FAM111B: variants seen among roughly 807,000 people sequenced by gnomAD.
The protein encoded by FAM111B is serine protease FAM111B.
In FAM111B, 1 loss-of-function variant was observed where a neutral mutation model predicts 2.8. The observed-to-expected ratio is 0.36, with a 90% confidence interval of 0.13 to 1.70. The LOEUF is 1.70. Among genes scored for constraint, FAM111B ranks in the 40% most tolerant of loss-of-function variants. The pLI, the probability that FAM111B is intolerant of heterozygous loss-of-function variation, is 0.35. For missense variants in FAM111B, 882 were observed against 878.9 expected, an observed-to-expected ratio of 1.00 and a Z score of -0.04; for synonymous variants, 297 against 295.6, an observed-to-expected ratio of 1.00 and a Z score of -0.05.
In FAM111B at chr11:59,126,447, C is replaced by A; in HGVS notation, c.*145C>A. On this transcript the variant is annotated 3_prime_UTR_variant, in exon 4 of 4. Coordinates refer to ENST00000343597, the MANE Select transcript of FAM111B (RefSeq NM_198947.4). ...TCTGCACAGCAAAAGAAACTATCAACAGGGTAAACACACAACCTACGGAAT... is the reference window on the plus strand; with the variant it reads ...TCTGCACAGCAAAAGAAACTATCAAAAGGGTAAACACACAACCTACGGAAT... 2 of 599,366 alleles carry A rather than the reference C, an allele frequency of 3.3e-6. No homozygotes were observed. Among genetic ancestry groups the A allele is most frequent in the Non-Finnish European group, 5.5e-6 (2 of 365,694 alleles). 37.1% of individuals were successfully genotyped at this position (599,366 alleles called of 1,614,324 possible). A position where few individuals can be genotyped will look rare whatever the true frequency, so the allele number is the denominator to read the frequency against.
intron 3 of FAM111B, among the ~76,000 whole-genome samples, chr11:59,117,119 G>A (rs1260697569): frequency 6.6e-6 from 1 of 152,204 alleles, no homozygotes; most frequent in Non-Finnish European, 1.5e-5. Flanking sequence ...CAGGGGAGCT[G>A]CCTGCCCTCT....
chr11:59,114,689 G>T (rs989244200), intron 3 of FAM111B, among the ~76,000 whole-genome samples: 1 of 152,218 alleles, frequency 6.6e-6, no homozygotes. Context: ...AACATTTCTT[G>T]CAAACCTACG....
chr11:59,110,445 A>C (rs1859740877), intron 3 of FAM111B, among the ~76,000 whole-genome samples: 1 of 152,188 alleles, frequency 6.6e-6, no homozygotes, highest in Non-Finnish European at 1.5e-5. Flanking sequence ...TCCTTATACA[A>C]GGTGAATAAG....
rs566994908 is a variant in FAM111B, at chr11:59,110,754, G to A, written c.81+1048G>A. On this transcript the variant is annotated intron_variant, in intron 3 of 3. Transcript: ENST00000343597. ...ATTTCACTAGTGTATCAAGGATGAA[G>A]GAATGGCCTAAGTAAAGTCGTGTAC... is the stretch of plus-strand genomic sequence containing the variant. 2.6e-5 allele frequency among the ~76,000 whole-genome samples: 4 copies of A among 152,220 alleles called. No homozygotes were observed. The South Asian group carries it at 8.3e-4, about 32-fold the overall frequency.
Position 59,125,293 on chromosome 11 carries a change from T to G in FAM111B, c.1196T>G (p.Met399Arg), listed in dbSNP as rs1202335212. The change falls in exon 4 of 4, where the codon ATG (methionine) becomes AGG (arginine). Residue 399 changes from methionine (M) to arginine (R), a missense_variant. Transcript: ENST00000343597. ...TATCAAACGTTGAATGAAGCCATAA[T>G]GCATCAGTATCCGAATTTTAAAGAG... is the stretch of plus-strand genomic sequence containing the variant. ...KNYQTLNEAI[M>R]HQYPNFKEEA... is the part of the protein sequence containing the mutation. 4 of 1,613,976 alleles carry G rather than the reference T, an allele frequency of 2.5e-6. No individual in the cohort carries two copies. The highest frequency in any genetic ancestry group is 2.2e-5 in the South Asian group (2 of 91,078).
chr11:59,115,605 C>T (rs1402893657), intron 3 of FAM111B, among the ~76,000 whole-genome samples: 1 of 152,136 alleles, frequency 6.6e-6, no homozygotes, highest in African/African-American at 2.4e-5. Context: ...GGTCTTTTTG[C>T]TGTTTTAAAC....
chr11:59,125,038 C>T lies in FAM111B; in HGVS notation c.941C>T (p.Thr314Ile). 2 of 1,612,850 alleles carry T rather than the reference C, an allele frequency of 1.2e-6. No individual in the cohort carries two copies. Among genetic ancestry groups the T allele is most frequent in the South Asian group, 1.1e-5 (1 of 90,806 alleles). The change falls in exon 4 of 4, where the codon ACC becomes ATC. Residue 314 changes from threonine (T) to isoleucine (I), a missense_variant. Thr to Ile is a moderately conservative substitution (Grantham distance 89). Coordinates refer to ENST00000343597, the MANE Select transcript of FAM111B (RefSeq NM_198947.4). ...CACAAACCAAAGAAAGATGGAGAGA[C>T]CAAAGATGTAGAACACAGCAGAGAG... The part of the protein sequence containing the change: ...KVHKPKKDGE[T>I]KDVEHSREQI...
At position 59,124,666 on chromosome 11, in the gene FAM111B, C is replaced by A. The variant is rs751430970; in HGVS notation, c.569C>A (p.Ala190Asp). ...NMECILFHVV[A>D]IGRTRKKIVK... ...GAATGCATTCTTTTTCATGTTGTTG[C>A]TATAGGAAGGACAAGAAAGAAGATT... is the stretch of plus-strand genomic sequence containing the variant. The change falls in exon 4 of 4, where the codon GCT becomes GAT. Residue 190 changes from alanine (A) to aspartate (D), a missense_variant. Coordinates refer to ENST00000343597, the MANE Select transcript of FAM111B (RefSeq NM_198947.4). 1.5e-5 allele frequency: 24 copies of A among 1,613,556 alleles called. No individual in the cohort carries two copies. Among genetic ancestry groups the A allele is most frequent in the Non-Finnish European group, 2.0e-5 (24 of 1,179,808 alleles).
rs765228450 is a variant in FAM111B at position 59,125,857 on chromosome 11, T to C, written c.1760T>C (p.Ile587Thr). 1 of 1,613,890 alleles carries C rather than the reference T, an allele frequency of 6.2e-7. No homozygotes were observed. The highest frequency in any genetic ancestry group is 1.7e-5 in the Admixed American group (1 of 60,000). Residue 587 changes from isoleucine to threonine, a missense_variant, in exon 4 of 4, where the codon ATA (isoleucine) becomes ACA (threonine). By Grantham distance (89) the Ile-to-Thr change is moderately conservative. Transcript: ENST00000343597. ...CATCCTGAAGGCCAGATCAAGAAAA[T>C]AGATGGTTGTACTGTGATTCCTCTA... ...IGHPEGQIKK[I>T]DGCTVIPLNE...
intron 3 of FAM111B, among the ~76,000 whole-genome samples, chr11:59,115,546 A>G (rs1057382158): frequency 6.6e-6 from 1 of 152,256 alleles, no homozygotes; most frequent in Admixed American, 6.5e-5. Flanking sequence ...CTTGAATACA[A>G]GGGAGACAGC....
In FAM111B at chr11:59,107,872, C is replaced by T. The variant is rs188237747; in HGVS notation, c.-132+576C>T. 2.9e-3 allele frequency among the ~76,000 whole-genome samples: 447 copies of T among 152,282 alleles called. 1 individual carries two copies. The highest frequency in any genetic ancestry group is 0.01 in the African/African-American group (416 of 41,566). On this transcript the variant is annotated intron_variant, in intron 1 of 3. Coordinates refer to ENST00000343597, the MANE Select transcript of FAM111B (RefSeq NM_198947.4). ...TCAGCAAGGATTCAGGTTAGGGTAGCGCTTCTAAGTTCGTTTCCCATCTTG... is the reference window on the plus strand; with the variant it reads ...TCAGCAAGGATTCAGGTTAGGGTAGTGCTTCTAAGTTCGTTTCCCATCTTG...
At chr11:59,113,702 C>G (rs1334004405) in intron 3 of FAM111B, among the ~76,000 whole-genome samples, 3 of 152,182 alleles carry the variant, frequency 2.0e-5, no homozygotes, top group Non-Finnish European at 2.9e-5. Flanking sequence ...TCAGCGTCCC[C>G]CAGACTTAGA....
intron 3 of FAM111B, among the ~76,000 whole-genome samples, chr11:59,123,228 T>G (rs1859950329): frequency 6.6e-6 from 1 of 152,184 alleles, no homozygotes; most frequent in Non-Finnish European, 1.5e-5. Context: ...CTTTCAAATA[T>G]CTAAAAGATA....
At chr11:59,119,620 T>C (rs1025332550) in intron 3 of FAM111B, among the ~76,000 whole-genome samples, 3 of 152,222 alleles carry the variant, frequency 2.0e-5, no homozygotes, top group African/African-American at 7.2e-5. Flanking sequence ...TTATCTTGGC[T>C]GCCCCTATTA....
At chr11:59,122,814 G>A (rs898879528) in intron 3 of FAM111B, among the ~76,000 whole-genome samples, 5 of 152,064 alleles carry the variant, frequency 3.3e-5, no homozygotes, top group South Asian at 2.1e-4. Flanking sequence ...GCCCCAAGAC[G>A]AAAAGGAAAT....
chr11:59,123,488 G>A (rs1256942880), intron 3 of FAM111B, among the ~76,000 whole-genome samples: 2 of 152,056 alleles, frequency 1.3e-5, no homozygotes, highest in African/African-American at 2.4e-5. Flanking sequence ...CCTCAGTTGC[G>A]GTATTTCCAC....
In FAM111B at chr11:59,125,516, TA is replaced by T. The variant is rs1437005520; in HGVS notation, c.1421del (p.Asn474MetfsTer35). 6.2e-7 allele frequency: 1 copy of T among 1,614,008 alleles called. No individual in the cohort carries two copies. Among genetic ancestry groups the T allele is most frequent in the Non-Finnish European group, 8.5e-7 (1 of 1,179,852 alleles). The part of the protein sequence containing the change: ...MQWDNNGNTG[N>X]ATCFVFNGGY... ...AATGGGACAATAATGGAAACACAGG[TA>T]ATGCTACTTGCTTTGTCTTCAATGG... On this transcript the variant is annotated frameshift_variant, in exon 4 of 4. Coordinates refer to ENST00000343597, the MANE Select transcript of FAM111B (RefSeq NM_198947.4). LOFTEE classifies it low-confidence loss of function (END_TRUNC).
rs535322792 is a variant in FAM111B, at chr11:59,109,039, G to C, written c.-87+327G>C. Among the ~76,000 whole-genome samples the C allele has an allele frequency of 2.0e-5, 3 of 152,308 alleles. No individual in the cohort carries two copies. In the East Asian group the frequency reaches 5.8e-4, roughly 29 times the overall value. On this transcript the variant is annotated intron_variant, in intron 2 of 3. Transcript: ENST00000343597. ...TGTCCTACTGCGGAAGAAATACCTT[G>C]CAGAGTAGTCTCCCTGATACTTCAT... is the stretch of plus-strand genomic sequence containing the variant.
chr11:59,115,706 G>T (rs1289254348), intron 3 of FAM111B, among the ~76,000 whole-genome samples: 4 of 152,154 alleles, frequency 2.6e-5, no homozygotes, highest in Non-Finnish European at 4.4e-5. Flanking sequence ...TATCATGTTA[G>T]TACTTACATC....
Sources: gnomAD v4.1 joint callset for allele counts (sites outside exome capture counted in the v4.1 genomes callset) on GRCh38, gnomAD v4.1.1 for gene constraint, MANE v1.5 for transcripts, NCBI Gene and HGNC (gene_info 2026-07-23, HGNC 2026-07-21) for gene names.